The following SRCIN1 variants were observed in gnomAD, a reference collection of about 807,000 sequenced individuals.
SRCIN1 encodes the protein P130Cas-associated protein.
A neutral mutation model predicts 116.2 loss-of-function variants in SRCIN1; 50 were observed. The ratio of observed to expected loss-of-function variants is 0.43; its 90% CI spans 0.34 to 0.54. SRCIN1 has a LOEUF of 0.54. Among genes scored for constraint, SRCIN1 ranks in the 20% least tolerant of loss-of-function variants. SRCIN1 has a pLI of 0.02. For synonymous variants in SRCIN1, 736 were observed against 750.0 expected (o/e 0.98, Z 0.30); for missense variants, 1,446 against 1,672.0 (o/e 0.86, Z 2.36).
At position 38,563,581 on chromosome 17, in the gene SRCIN1, G is replaced by A; in HGVS notation, c.542-60C>T. On this transcript the variant is annotated intron_variant, in intron 4 of 18. Coordinates refer to ENST00000617146, the MANE Select transcript of SRCIN1 (RefSeq NM_025248.3). This position sits in a 1 kb window ranked among gnomAD's most constrained non-coding sequence, Gnocchi z 5.8. ...GCCGTCTCCACGCCGCCCTCCAGGAGAGCGCGGGGAGCTTTTCGGAGCTGC... is the reference window on the plus strand; with the variant it reads ...GCCGTCTCCACGCCGCCCTCCAGGAAAGCGCGGGGAGCTTTTCGGAGCTGC... The A allele has an allele frequency of 6.5e-7, 1 of 1,535,010 alleles. No individual in the cohort carries two copies.
chr17:38,595,868 A>AT, intron 1 of SRCIN1, among the ~76,000 whole-genome samples: 1 of 152,312 alleles, frequency 6.6e-6, no homozygotes, highest in South Asian at 2.1e-4. Flanking sequence ...ACATACAGAC[A>AT]TGTTCTCTAC....
chr17:38,592,164 G>A (rs987923421), intron 1 of SRCIN1, among the ~76,000 whole-genome samples: 2 of 152,230 alleles, frequency 1.3e-5, no homozygotes, highest in African/African-American at 2.4e-5. Context: ...TCCCATGCTT[G>A]CGCAGTGGCT....
intron 18 of SRCIN1, among the ~76,000 whole-genome samples, chr17:38,534,956 C>T (rs2040978987): frequency 6.6e-6 from 1 of 151,932 alleles, no homozygotes; most frequent in African/African-American, 2.4e-5. Flanking sequence ...GAGACCTCGT[C>T]TCTACTAAAA....
At chr17:38,600,856 G>A (rs1278525869) in intron 1 of SRCIN1, among the ~76,000 whole-genome samples, 1 of 152,222 alleles carries the variant, frequency 6.6e-6, no homozygotes, top group Non-Finnish European at 1.5e-5. Context: ...CCCCAACCCT[G>A]CCCCCAGCAT....
chr17:38,561,218 G>T (rs771444395), intron 7 of SRCIN1, among the ~76,000 whole-genome samples: 5 of 152,178 alleles, frequency 3.3e-5, no homozygotes, highest in African/African-American at 1.2e-4. Flanking sequence ...CAGAGTCCTC[G>T]TCTGGGGACC....
At chr17:38,543,224 C>G (rs1299411995) in intron 18 of SRCIN1, 2 of 456,518 alleles carry the variant, frequency 4.4e-6, no homozygotes, top group Admixed American at 4.7e-5. Flanking sequence ...CCCACCCAAC[C>G]TTGCAAAGAC....
chr17:38,576,799 T>C (rs1907446658), intron 2 of SRCIN1, among the ~76,000 whole-genome samples: 1 of 152,096 alleles, frequency 6.6e-6, no homozygotes, highest in Non-Finnish European at 1.5e-5. Context: ...GACCTACACT[T>C]GGTCTTCTTC....
At chr17:38,570,740 C>A (rs1232428907) in intron 2 of SRCIN1, among the ~76,000 whole-genome samples, 1 of 152,226 alleles carries the variant, frequency 6.6e-6, no homozygotes. Context: ...GGTCCCAAGG[C>A]TGTGCACATC....
chr17:38,560,584 C>A (rs965041245), intron 7 of SRCIN1, among the ~76,000 whole-genome samples, 159 bp from the exon 8 acceptor site: 2 of 152,168 alleles, frequency 1.3e-5, no homozygotes, highest in African/African-American at 2.4e-5. Flanking sequence ...AGGATCAAGC[C>A]CACAGCCTCC....
At position 38,563,211 on chromosome 17, in the gene SRCIN1, G is replaced by C; in HGVS notation, c.740+112C>G. On this transcript the variant is annotated intron_variant, in intron 5 of 18. Coordinates refer to ENST00000617146, the MANE Select transcript of SRCIN1 (RefSeq NM_025248.3). This position sits in a 1 kb window ranked among gnomAD's most constrained non-coding sequence, Gnocchi z 5.8. ...GCGGTAGGGCTCTGGGAGGGGAGGG[G>C]AAAGGCTGAGGTCGGGTCAGGAAGG... The C allele has an allele frequency of 2.4e-6, 3 of 1,258,258 alleles. No individual in the cohort carries two copies. Among genetic ancestry groups the C allele is most frequent in the Non-Finnish European group, 3.3e-6 (3 of 908,246 alleles). The allele number at this position is 1,258,258 out of a possible 1,614,324, so 77.9% of individuals were successfully genotyped here. A position where few individuals can be genotyped will look rare whatever the true frequency, so the allele number is the denominator to read the frequency against.
At chr17:38,545,073 A>T (rs1266366539) in intron 17 of SRCIN1, 1 of 152,672 alleles carries the variant, frequency 6.5e-6, no homozygotes, top group African/African-American at 2.4e-5. Flanking sequence ...TTTGGGCATC[A>T]TGTCCAGAGT....
intron 1 of SRCIN1, among the ~76,000 whole-genome samples, chr17:38,603,812 C>A (rs1909201373): frequency 1.3e-5 from 2 of 152,116 alleles, no homozygotes; most frequent in African/African-American, 4.8e-5. Context: ...TCCCTTGCTT[C>A]TACCCCAGGC....
chr17:38,532,923 A>C lies in SRCIN1; in HGVS notation c.*374T>G. On this transcript the variant is annotated 3_prime_UTR_variant, in exon 19 of 19. Coordinates refer to ENST00000617146, the MANE Select transcript of SRCIN1 (RefSeq NM_025248.3). The surrounding 1 kb of genome is among the most constrained non-coding windows in gnomAD (Gnocchi z 4.3). ...GGAGTATTCTTGGGAAGTGAGGGGAAGGCGGGAAGGGGGTGCAGGAGCTTC... is the reference window on the plus strand; with the variant it reads ...GGAGTATTCTTGGGAAGTGAGGGGACGGCGGGAAGGGGGTGCAGGAGCTTC... 1 of 162,846 alleles carries C rather than the reference A, an allele frequency of 6.1e-6. No individual in the cohort carries two copies. The highest frequency in any genetic ancestry group is 1.3e-5 in the Non-Finnish European group (1 of 75,624). The allele number at this position is 162,846 out of a possible 1,614,324, so 10.1% of individuals were successfully genotyped here.
intron 2 of SRCIN1, among the ~76,000 whole-genome samples, chr17:38,571,979 G>A (rs1344540792): frequency 1.3e-5 from 2 of 152,168 alleles, no homozygotes; most frequent in Admixed American, 6.5e-5. Flanking sequence ...TGCCCTGGGA[G>A]GGGAGGGGCT....
intron 14 of SRCIN1, chr17:38,551,647 C>T (rs1460479007): frequency 1.5e-6 from 1 of 668,526 alleles, no homozygotes; most frequent in Non-Finnish European, 2.5e-6. Context: ...TCACTGACTA[C>T]ATAGTCTATT....
intron 1 of SRCIN1, among the ~76,000 whole-genome samples, chr17:38,583,754 T>C (rs1296420791): frequency 6.6e-6 from 1 of 152,130 alleles, no homozygotes; most frequent in Admixed American, 6.5e-5. Context: ...AGTTTCACCA[T>C]GTTGGCCAGG....
intron 1 of SRCIN1, among the ~76,000 whole-genome samples, chr17:38,579,469 TAGAC>T (rs1270894525): frequency 1.3e-5 from 2 of 151,962 alleles, no homozygotes; most frequent in African/African-American, 4.8e-5. Context: ...GACAGACAGA[TAGAC>T]AGACAGGAGA....
Position 38,561,526 on chromosome 17 carries a change from C to T in SRCIN1, c.1637G>A (p.Gly546Glu). Residue 546 changes from glycine to glutamate, a missense_variant, in exon 7 of 19, where the codon GGG (glycine) becomes GAG (glutamate). Around this residue, in one of 5 missense-constraint regions of SRCIN1, gnomAD observed 398 missense variants for 385.6 expected, o/e 1.03. Transcript: ENST00000617146. The part of the protein sequence containing the change: ...AGAPPSELFP[G>E]PGERSLVGFG... ...CCCAACCAGCGAGCGTTCCCCAGGCCCAGGGAAGAGCTCCGAAGGGGGAGC... is the reference window on the plus strand; with the variant it reads ...CCCAACCAGCGAGCGTTCCCCAGGCTCAGGGAAGAGCTCCGAAGGGGGAGC... 6.3e-7 allele frequency: 1 copy of T among 1,598,912 alleles called. No homozygotes were observed. Among genetic ancestry groups the T allele is most frequent in the Non-Finnish European group, 8.5e-7 (1 of 1,177,150 alleles).
In SRCIN1 at chr17:38,568,034, G is replaced by A. The variant is rs561912442; in HGVS notation, c.345+177C>T. On this transcript the variant is annotated intron_variant, in intron 3 of 18. Transcript: ENST00000617146. This position sits in a 1 kb window ranked among gnomAD's most constrained non-coding sequence, Gnocchi z 4.5. ...CTCCATCCACAAGCCCCTGACAGGCGAACCCAGACTCTCCCAAAGCAGCAG... is the reference window on the plus strand; with the variant it reads ...CTCCATCCACAAGCCCCTGACAGGCAAACCCAGACTCTCCCAAAGCAGCAG... 3.3e-4 allele frequency among the ~76,000 whole-genome samples: 51 copies of A among 152,282 alleles called. No homozygotes were observed. Among genetic ancestry groups the A allele is most frequent in the Admixed American group, 1.2e-3 (18 of 15,306 alleles).
Sources: allele counts gnomAD v4.1 joint callset (sites outside exome capture counted in the v4.1 genomes callset), GRCh38; gene constraint gnomAD v4.1.1; regional missense constraint gnomAD v4.1.1; non-coding constraint Gnocchi (gnomAD v3.1); transcripts MANE v1.5; gene names NCBI Gene and HGNC (gene_info 2026-07-23, HGNC 2026-07-21).